The following KIT variants were observed in gnomAD, a reference collection of about 807,000 sequenced individuals.
KIT encodes KIT proto-oncogene, receptor tyrosine kinase, also known as mast/stem cell growth factor receptor Kit.
Under a neutral mutation model 105.7 loss-of-function variants are expected in KIT, and 16 were observed. That is an observed-to-expected ratio of 0.15 (90% CI 0.10 to 0.23). KIT has a LOEUF of 0.23. Among genes scored for constraint, KIT ranks in the 10% least tolerant of loss-of-function variants. The pLI, the probability that KIT is intolerant of heterozygous loss-of-function variation, is 1.00. For synonymous variants in KIT, 438 were observed against 441.1 expected (o/e 0.99, Z 0.09); for missense variants, 858 against 1,213.8 (o/e 0.71, Z 4.36).
chr4:54,710,984 A>T (rs1457097368), intron 7 of KIT, among the ~76,000 whole-genome samples: 1 of 152,098 alleles, frequency 6.6e-6, no homozygotes, highest in Admixed American at 6.5e-5. Flanking sequence ...GGCCCAAGAG[A>T]TCCTTCCGCT....
At chr4:54,735,685 T>G (rs1003103968) in intron 17 of KIT, among the ~76,000 whole-genome samples, 15 of 152,306 alleles carry the variant, frequency 9.8e-5, no homozygotes, top group African/African-American at 3.6e-4. Context: ...ATTAAAAGTA[T>G]TCATTTTGTT....
intron 7 of KIT, among the ~76,000 whole-genome samples, chr4:54,717,136 C>T (rs753320043): frequency 2.6e-5 from 4 of 152,020 alleles, no homozygotes; most frequent in Non-Finnish European, 5.9e-5. Context: ...TCTCTTTCTC[C>T]TTATAAAGAG....
intron 1 of KIT, among the ~76,000 whole-genome samples, chr4:54,662,154 T>C (rs769399108): frequency 2.0e-5 from 3 of 152,150 alleles, no homozygotes; most frequent in South Asian, 2.1e-4. Flanking sequence ...TCTAGGGCTT[T>C]ATCCTGCCAT....
At chr4:54,681,608 A>G (rs2109608061) in intron 1 of KIT, among the ~76,000 whole-genome samples, 1 of 152,284 alleles carries the variant, frequency 6.6e-6, no homozygotes, top group East Asian at 1.9e-4. Context: ...AAGTCTGACC[A>G]CATAATTAGC....
At chr4:54,678,030 T>C (rs761058645) in intron 1 of KIT, among the ~76,000 whole-genome samples, 2 of 152,216 alleles carry the variant, frequency 1.3e-5, no homozygotes, top group Non-Finnish European at 2.9e-5. Context: ...TTTTTTACAT[T>C]TGAGGCTCAA....
At chr4:54,729,250 A>G (rs1026637446) in intron 13 of KIT, 85 bp from the exon 14 acceptor site, 4 of 1,448,570 alleles carry the variant, frequency 2.8e-6, no homozygotes, top group Admixed American at 1.7e-5. Context: ...ATTAATGGCC[A>G]TGACCACCCT....
chr4:54,726,093 T>C, intron 9 of KIT, 43 bp downstream of exon 9: 1 of 1,478,758 alleles, frequency 6.8e-7, no homozygotes, highest in South Asian at 1.1e-5. Context: ...GTTTAGGCTC[T>C]GTCTACCATA....
intron 2 of KIT, 108 bp from the exon 3 acceptor site, chr4:54,698,175 GC>G: frequency 8.9e-7 from 1 of 1,128,530 alleles, no homozygotes; most frequent in Admixed American, 2.0e-5. Context: ...GAAAAAAGCA[GC>G]CATTTGGGCC....
intron 1 of KIT, among the ~76,000 whole-genome samples, chr4:54,663,488 A>G (rs1717447885): frequency 6.6e-6 from 1 of 152,188 alleles, no homozygotes; most frequent in Non-Finnish European, 1.5e-5. Flanking sequence ...CTTAGAAAAA[A>G]ATTGAAAACG....
chr4:54,708,012 A>G (rs1261975822), intron 6 of KIT, among the ~76,000 whole-genome samples: 1 of 152,130 alleles, frequency 6.6e-6, no homozygotes, highest in East Asian at 1.9e-4. Context: ...CTGTTGGAAA[A>G]ATACGGGTGA....
At position 54,709,618 on chromosome 4, in the gene KIT, C is replaced by G. The variant is rs902276093; in HGVS notation, c.1231+79C>G. The stretch of plus-strand genomic sequence containing the variant: ...CGTGTTTGTAACAGCTGCAAGGACT[C>G]AACTTGTGTACTATGTAAATAACGT... On this transcript the variant is annotated intron_variant, in intron 7 of 20. Transcript: ENST00000288135. The G allele has an allele frequency of 4.7e-6, 4 of 846,692 alleles. No homozygotes were observed. The African/African-American group carries it at 6.7e-5, about 14-fold the overall frequency. The allele number at this position is 846,692 out of a possible 1,614,324, so 52.4% of individuals were successfully genotyped here.
intron 7 of KIT, among the ~76,000 whole-genome samples, chr4:54,716,339 G>A (rs948292445): frequency 6.6e-6 from 1 of 152,106 alleles, no homozygotes; most frequent in African/African-American, 2.4e-5. Flanking sequence ...TATGCTGCAT[G>A]TTTTTAAATT....
chr4:54,698,523 A>C lies in KIT; in HGVS notation c.577A>C (p.Lys193Gln), dbSNP rs1451394869. Residue 193 changes from lysine (K) to glutamine (Q), a missense_variant, in exon 3 of 21, where the codon AAG becomes CAG. Physicochemically the swap from Lys to Gln is moderately conservative, Grantham distance 53. This residue lies in a region of KIT where 401 missense variants were observed against 601.0 expected (regional missense o/e 0.67). Transcript: ENST00000288135. ...GCATTGTTCTGTGGACCAGGAGGGC[A>C]AGTCAGTGCTGTCGGAAAAATTCAT... ...CLHCSVDQEG[K>Q]SVLSEKFILK... 1.2e-6 allele frequency: 2 copies of C among 1,614,078 alleles called. No homozygotes were observed. The highest frequency in any genetic ancestry group is 2.7e-5 in the African/African-American group (2 of 74,938).
In KIT at chr4:54,739,273, A is replaced by G. The variant is rs1366237602; in HGVS notation, c.*716A>G. 1.2e-5 allele frequency: 3 copies of G among 244,928 alleles called. No individual in the cohort carries two copies. The highest frequency in any genetic ancestry group is 6.6e-5 in the African/African-American group (3 of 45,716). The allele number at this position is 244,928 out of a possible 1,614,324, so 15.2% of individuals were successfully genotyped here. On this transcript the variant is annotated 3_prime_UTR_variant, in exon 21 of 21. Coordinates refer to ENST00000288135, the MANE Select transcript of KIT (RefSeq NM_000222.3). The stretch of plus-strand genomic sequence containing the variant: ...CCGTGTTCATACATTTGAGGGGAAA[A>G]CACCATAAGGTTTCGTTTCTGTATA...
chr4:54,727,599 T>G, intron 11 of KIT, 57 bp downstream of exon 11: 1 of 1,603,746 alleles, frequency 6.2e-7, no homozygotes, highest in Non-Finnish European at 8.5e-7. Flanking sequence ...TAACAGTGAC[T>G]TTAAGGAACT....
chr4:54,733,457 G>T (rs1374629483), intron 17 of KIT: 2 of 386,466 alleles, frequency 5.2e-6, no homozygotes, highest in Admixed American at 4.0e-5. Flanking sequence ...TTTCATTATA[G>T]CCTGAGAATA....
intron 17 of KIT, among the ~76,000 whole-genome samples, chr4:54,735,373 A>C (rs902989207): frequency 8.4e-6 from 1 of 118,532 alleles, no homozygotes; most frequent in Non-Finnish European, 1.8e-5. Flanking sequence ...CACCAAAAAA[A>C]AAAAAGAAAA....
chr4:54,691,514 C>T (rs567003050), intron 1 of KIT, among the ~76,000 whole-genome samples: 42 of 152,112 alleles, frequency 2.8e-4, no homozygotes, highest in South Asian at 8.3e-4. Context: ...GGCATGACAA[C>T]GGATGAAGAA....
intron 7 of KIT, 66 bp downstream of exon 7, chr4:54,709,605 A>G (rs1721011412): frequency 1.0e-6 from 1 of 952,828 alleles, no homozygotes; most frequent in Non-Finnish European, 1.7e-6. Flanking sequence ...TGTTTGTAAC[A>G]GCTGCAAGGA....
Sources: gnomAD v4.1 joint callset for allele counts (sites outside exome capture counted in the v4.1 genomes callset) on GRCh38, gnomAD v4.1.1 for gene constraint, gnomAD v4.1.1 regional missense constraint, MANE v1.5 for transcripts, NCBI Gene and HGNC (gene_info 2026-07-23, HGNC 2026-07-21) for gene names.